The following PHLPP1 variants were observed in gnomAD, a reference collection of about 807,000 sequenced individuals.
PHLPP1 encodes PH domain leucine-rich repeat-containing protein phosphatase 1.
A neutral mutation model predicts 117.2 loss-of-function variants in PHLPP1; 42 were observed. The observed-to-expected ratio is 0.36, with a 90% CI of 0.28 to 0.46. PHLPP1 has a LOEUF of 0.46. Ranked by LOEUF, PHLPP1 falls within the 20% of genes least tolerant of loss-of-function variation. The probability of loss-of-function intolerance (pLI) is 1.00; values close to 1 mark genes in which losing one functional copy is unlikely to be tolerated. For synonymous variants in PHLPP1, 1,042 were observed against 970.7 expected (o/e 1.07, Z -1.37); for missense variants, 2,084 against 2,241.9 (o/e 0.93, Z 1.42).
intron 1 of PHLPP1, among the ~76,000 whole-genome samples, chr18:62,738,190 AT>A (rs142560888): frequency 0.074 from 11,032 of 149,246 alleles, 507 homozygotes; most frequent in South Asian, 0.13. Context: ...TTTCTCTACC[AT>A]TTTTTTTTTC....
At position 62,958,704 on chromosome 18, in the gene PHLPP1, G is replaced by C; in HGVS notation, c.3400G>C (p.Asp1134His). The change falls in exon 13 of 17, where the codon GAC becomes CAC. Residue 1134 changes from aspartate (D) to histidine (H), a missense_variant. By Grantham distance (81) the Asp-to-His change is moderately conservative (BLOSUM62 -1). This residue lies in a region of PHLPP1 where 1,365 missense variants were observed against 1,605.9 expected (regional missense o/e 0.85). Transcript: ENST00000262719. ...CCTGCCTCCCAAACTGCAGGAGCTA[G>C]ACCTGACTGGAAACCCGCGCCTTGT... ...ENLPPKLQEL[D>H]LTGNPRLVLD... 1 of 1,613,996 alleles carries C rather than the reference G, an allele frequency of 6.2e-7. No individual in the cohort carries two copies.
intron 10 of PHLPP1, among the ~76,000 whole-genome samples, chr18:62,930,154 A>G (rs562960602): frequency 1.3e-5 from 2 of 152,338 alleles, no homozygotes; most frequent in African/African-American, 4.8e-5. Context: ...AAAGATAACC[A>G]TAGAACAAAA....
chr18:62,871,054 C>T (rs551758134), intron 4 of PHLPP1, among the ~76,000 whole-genome samples: 87 of 152,170 alleles, frequency 5.7e-4, no homozygotes, highest in African/African-American at 2.1e-3. Flanking sequence ...AACTATATCT[C>T]TAGATGACTC....
intron 4 of PHLPP1, among the ~76,000 whole-genome samples, chr18:62,886,056 C>T (rs1260334566): frequency 1.3e-5 from 2 of 152,180 alleles, no homozygotes; most frequent in Non-Finnish European, 2.9e-5. Flanking sequence ...TAGTAGATCA[C>T]ACCCCTAGAT....
At chr18:62,721,097 T>C (rs1910901711) in intron 1 of PHLPP1, among the ~76,000 whole-genome samples, 2 of 152,202 alleles carry the variant, frequency 1.3e-5, no homozygotes, top group African/African-American at 2.4e-5. Context: ...TCCAAAAATA[T>C]GCTGTTTTTG....
chr18:62,962,169 C>G (rs1910786762), intron 13 of PHLPP1, among the ~76,000 whole-genome samples: 1 of 152,202 alleles, frequency 6.6e-6, no homozygotes, highest in African/African-American at 2.4e-5. Flanking sequence ...GGACTTATTT[C>G]ACCTTGTGGT....
At chr18:62,821,345 A>C (rs1177748225) in intron 1 of PHLPP1, among the ~76,000 whole-genome samples, 1 of 151,986 alleles carries the variant, frequency 6.6e-6, no homozygotes, top group Non-Finnish European at 1.5e-5. Flanking sequence ...AATAACAGAA[A>C]ATCAGTGAGC....
chr18:62,943,182 CTT>C (rs779847541), intron 11 of PHLPP1, among the ~76,000 whole-genome samples: 12 of 152,316 alleles, frequency 7.9e-5, no homozygotes, highest in African/African-American at 1.4e-4. Flanking sequence ...TGCAGAGAAA[CTT>C]TTAACACACC....
intron 4 of PHLPP1, 97 bp downstream of exon 4, chr18:62,860,698 G>A: frequency 1.0e-6 from 1 of 992,670 alleles, no homozygotes; most frequent in Non-Finnish European, 1.5e-6. Flanking sequence ...AAAAGCTAGT[G>A]TGTAAACTTT....
At chr18:62,834,819 T>C (rs1252556965) in intron 2 of PHLPP1, among the ~76,000 whole-genome samples, 1 of 152,172 alleles carries the variant, frequency 6.6e-6, no homozygotes, top group African/African-American at 2.4e-5. Flanking sequence ...AGTTTCCTCG[T>C]GTCCCTTTGT....
At position 62,978,129 on chromosome 18, in the gene PHLPP1, C is replaced by G; in HGVS notation, c.3985-133C>G. ...ACTACTCACTACAGAGTGAGCCCTT[C>G]TTTCCTCTGTGGGCCACACAGCACT... On this transcript the variant is annotated intron_variant, in intron 16 of 16. Transcript: ENST00000262719. The surrounding 1 kb of genome is among the most constrained non-coding windows in gnomAD (Gnocchi z 7.0). The G allele has an allele frequency of 1.6e-6, 1 of 608,764 alleles. No individual in the cohort carries two copies. Among genetic ancestry groups the G allele is most frequent in the Admixed American group, 2.9e-5 (1 of 34,028 alleles). 37.7% of individuals were successfully genotyped at this position (608,764 alleles called of 1,614,324 possible).
At chr18:62,725,507 T>C (rs1456991189) in intron 1 of PHLPP1, among the ~76,000 whole-genome samples, 2 of 152,222 alleles carry the variant, frequency 1.3e-5, no homozygotes, top group Non-Finnish European at 2.9e-5. Context: ...CAGTTCTACC[T>C]TTCTGTGACA....
chr18:62,779,001 T>A (rs1041916805), intron 1 of PHLPP1, among the ~76,000 whole-genome samples: 3 of 152,244 alleles, frequency 2.0e-5, no homozygotes, highest in African/African-American at 4.8e-5. Context: ...ATTGAAAATT[T>A]GTAATGATTT....
intron 8 of PHLPP1, among the ~76,000 whole-genome samples, chr18:62,914,465 C>T (rs1917045839): frequency 6.6e-6 from 1 of 152,188 alleles, no homozygotes; most frequent in Admixed American, 6.5e-5. Flanking sequence ...GATAGGGTCT[C>T]ATGCTGTCAC....
rs570770685 is a variant in PHLPP1, at chr18:62,722,189, T to C, written c.1576+4930T>C. Among the ~76,000 whole-genome samples, 4 of 152,354 alleles carry C rather than the reference T, an allele frequency of 2.6e-5. No individual in the cohort carries two copies. The East Asian group carries it at 7.7e-4, about 29-fold the overall frequency. On this transcript the variant is annotated intron_variant, in intron 1 of 16. Transcript: ENST00000262719. ...ACTCTGGATTTTGAGAGAATAGCTCTCTCTGAAAGTTTTCTTAGAGTTAAC... is the reference window on the plus strand; with the variant it reads ...ACTCTGGATTTTGAGAGAATAGCTCCCTCTGAAAGTTTTCTTAGAGTTAAC...
intron 1 of PHLPP1, among the ~76,000 whole-genome samples, chr18:62,724,163 A>C (rs1325791816): frequency 6.6e-6 from 1 of 152,304 alleles, no homozygotes; most frequent in African/African-American, 2.4e-5. Flanking sequence ...CCTACTCCTG[A>C]AGTAAAATTC....
chr18:62,918,218 A>G (rs1909358357), intron 9 of PHLPP1, among the ~76,000 whole-genome samples: 1 of 151,554 alleles, frequency 6.6e-6, no homozygotes, highest in Admixed American at 6.6e-5. Context: ...AAAAAAAAAA[A>G]AAAAAAAGAG....
chr18:62,882,981 C>T (rs1417666969), intron 4 of PHLPP1, among the ~76,000 whole-genome samples: 2 of 149,598 alleles, frequency 1.3e-5, no homozygotes, highest in African/African-American at 2.4e-5. Flanking sequence ...GAAAGGATGA[C>T]TTATTTAATA....
Position 62,715,842 on chromosome 18 carries a change from C to A in PHLPP1, c.159C>A (p.Pro53=). ...CCGGGGGCGGCCGGAGTCCGGAGCCCGCGCTGACCCCGGCGGCCCCGAGCG... is the reference window on the plus strand; with the variant it reads ...CCGGGGGCGGCCGGAGTCCGGAGCCAGCGCTGACCCCGGCGGCCCCGAGCG... ...AAAGGGRSPE[P]ALTPAAPSGG... Residue 53 remains proline (P), a synonymous_variant, in exon 1 of 17, where the codon CCC becomes CCA. Coordinates refer to ENST00000262719, the MANE Select transcript of PHLPP1 (RefSeq NM_194449.4). 1 of 754,798 alleles carries A rather than the reference C, an allele frequency of 1.3e-6. No homozygotes were observed. Among genetic ancestry groups the A allele is most frequent in the Non-Finnish European group, 1.6e-6 (1 of 619,766 alleles). 46.8% of individuals were successfully genotyped at this position (754,798 alleles called of 1,614,324 possible). A position where few individuals can be genotyped will look rare whatever the true frequency, so the allele number is the denominator to read the frequency against.
Sources: gnomAD v4.1 joint callset for allele counts (sites outside exome capture counted in the v4.1 genomes callset) on GRCh38, gnomAD v4.1.1 for gene constraint, gnomAD v4.1.1 regional missense constraint, Gnocchi (gnomAD v3.1) non-coding constraint, MANE v1.5 for transcripts, NCBI Gene and HGNC (gene_info 2026-07-23, HGNC 2026-07-21) for gene names.